The following FYTTD1 variants were observed in gnomAD, a reference collection of about 807,000 sequenced individuals.
FYTTD1 encodes the protein UAP56-interacting factor.
A neutral mutation model predicts 40.9 loss-of-function variants in FYTTD1; 22 were observed. The observed-to-expected ratio is 0.54, with a 90% CI of 0.38 to 0.77. The LOEUF (loss-of-function observed/expected upper bound fraction) is 0.77, where lower values mean the gene tolerates loss of function less well. FYTTD1 is among the 30% of genes least tolerant of loss of function. The pLI is 0.00. For synonymous variants in FYTTD1, 140 were observed against 137.9 expected, an observed-to-expected ratio of 1.01 and a Z score of -0.10; for missense variants, 351 against 392.2, an observed-to-expected ratio of 0.90 and a Z score of 0.89.
chr3:197,782,054 T>TTAA lies in FYTTD1; in HGVS notation c.*145_*146insTAA. 6 of 341,104 alleles carry TTAA rather than the reference T, an allele frequency of 1.8e-5. No individual in the cohort carries two copies. Among genetic ancestry groups the TTAA allele is most frequent in the South Asian group, 8.4e-5 (1 of 11,882 alleles). The allele number at this position is 341,104 out of a possible 1,614,324, so 21.1% of individuals were successfully genotyped here. A position where few individuals can be genotyped will look rare whatever the true frequency, so the allele number is the denominator to read the frequency against. On this transcript the variant is annotated 3_prime_UTR_variant, in exon 9 of 9. Coordinates refer to ENST00000241502, the MANE Select transcript of FYTTD1 (RefSeq NM_032288.7). ...TTTTATTTTTGAAGGTTTTTTTTTT[T>TTAA]AAAAAAAAAAACGTATAAAATAATG... is the stretch of plus-strand genomic sequence containing the variant.
At position 197,785,436 on chromosome 3, in the gene FYTTD1, G is replaced by A. The variant is rs1560503788; in HGVS notation, c.*3527G>A. On this transcript the variant is annotated 3_prime_UTR_variant, in exon 9 of 9. Transcript: ENST00000241502. Reference sequence around the variant, plus strand: ...AAGCCATGTTGTTGAAGGGCCAACTGTTTAAGCCAATCGTAAAATACTGTG... The same window carrying A: ...AAGCCATGTTGTTGAAGGGCCAACTATTTAAGCCAATCGTAAAATACTGTG... The A allele has an allele frequency of 6.6e-6, 1 of 152,182 alleles. No individual in the cohort carries two copies. The highest frequency in any genetic ancestry group is 1.5e-5 in the Non-Finnish European group (1 of 68,032). 9.4% of individuals were successfully genotyped at this position (152,182 alleles called of 1,614,324 possible). A position where few individuals can be genotyped will look rare whatever the true frequency, so the allele number is the denominator to read the frequency against.
chr3:197,765,429 A>G (rs181202558), intron 2 of FYTTD1, among the ~76,000 whole-genome samples: 91 of 152,304 alleles, frequency 6.0e-4, no homozygotes, highest in Middle Eastern at 6.8e-3. Flanking sequence ...TAGCTGTTAC[A>G]TTATTTAACA....
At chr3:197,777,393 A>C (rs1404190201) in intron 7 of FYTTD1, among the ~76,000 whole-genome samples, 1 of 151,988 alleles carries the variant, frequency 6.6e-6, no homozygotes. Flanking sequence ...AGTCCTGAGG[A>C]GCTGCAGCGA....
rs1374782090 is a variant in FYTTD1, at chr3:197,785,920, C to A, written c.*4011C>A. ...TAGAGAGGGTTCTTTTTGGATAGAT[C>A]AATTTGGAACTAGCTTCTTTTTTTT... is the stretch of plus-strand genomic sequence containing the variant. On this transcript the variant is annotated 3_prime_UTR_variant, in exon 9 of 9. Transcript: ENST00000241502. 7 of 148,744 alleles carry A rather than the reference C, an allele frequency of 4.7e-5. No individual in the cohort carries two copies. The highest frequency in any genetic ancestry group is 1.3e-4 in the Admixed American group (2 of 14,904). The allele number at this position is 148,744 out of a possible 1,614,324, so 9.2% of individuals were successfully genotyped here.
intron 4 of FYTTD1, among the ~76,000 whole-genome samples, chr3:197,771,775 T>A (rs1380310264): frequency 1.5e-4 from 2 of 13,594 alleles, no homozygotes; most frequent in African/African-American, 1.9e-4. Flanking sequence ...AGACTCCGTC[T>A]CAAAAAAAAA....
intron 3 of FYTTD1, among the ~76,000 whole-genome samples, chr3:197,769,478 A>AGGTGC (rs1358950752): frequency 1.3e-5 from 2 of 152,236 alleles, no homozygotes; most frequent in Admixed American, 1.3e-4. Context: ...GTATAAGATA[A>AGGTGC]GGTGCATATT....
chr3:197,782,209 G>T lies in FYTTD1; in HGVS notation c.*300G>T, dbSNP rs566672101. 98 of 205,302 alleles carry T rather than the reference G, an allele frequency of 4.8e-4. No individual in the cohort carries two copies. Among genetic ancestry groups the T allele is most frequent in the Non-Finnish European group, 7.2e-4 (75 of 103,476 alleles). The allele number at this position is 205,302 out of a possible 1,614,324, so 12.7% of individuals were successfully genotyped here. On this transcript the variant is annotated 3_prime_UTR_variant, in exon 9 of 9. Coordinates refer to ENST00000241502, the MANE Select transcript of FYTTD1 (RefSeq NM_032288.7). ...GAAGGAAGACAGAAAGATAGAAATT[G>T]ATTATTTTTATGATAGCAGTATTCA...
intron 8 of FYTTD1, among the ~76,000 whole-genome samples, chr3:197,779,529 CTTTTT>C (rs57263354): frequency 8.4e-6 from 1 of 118,408 alleles, no homozygotes. Context: ...TTCCTTAGGA[CTTTTT>C]TTTTTTTTTT....
chr3:197,762,766 C>T (rs1729426731), intron 2 of FYTTD1, among the ~76,000 whole-genome samples: 1 of 151,992 alleles, frequency 6.6e-6, no homozygotes, highest in Admixed American at 6.6e-5. Flanking sequence ...CCTGTAGTCC[C>T]AGCTGCTCAG....
At chr3:197,759,864 G>T (rs547944187) in intron 2 of FYTTD1, among the ~76,000 whole-genome samples, 1 of 151,192 alleles carries the variant, frequency 6.6e-6, no homozygotes, top group South Asian at 2.1e-4. Context: ...GTGGTAGAAC[G>T]AATAGGGTGT....
In FYTTD1 at chr3:197,784,087, T is replaced by G. The variant is rs2109058918; in HGVS notation, c.*2178T>G. ...GTAATCCTTGTTCAGTTCTTAAGTTTCGGTTTTTTTTAAAAACAGGATGCA... is the reference window on the plus strand; with the variant it reads ...GTAATCCTTGTTCAGTTCTTAAGTTGCGGTTTTTTTTAAAAACAGGATGCA... On this transcript the variant is annotated 3_prime_UTR_variant, in exon 9 of 9. Transcript: ENST00000241502. 6.5e-6 allele frequency: 1 copy of G among 152,710 alleles called. No homozygotes were observed. The highest frequency in any genetic ancestry group is 2.1e-4 in the South Asian group (1 of 4,810). 9.5% of individuals were successfully genotyped at this position (152,710 alleles called of 1,614,324 possible).
At chr3:197,750,899 G>A in intron 1 of FYTTD1, 5 of 967,132 alleles carry the variant, frequency 5.2e-6, no homozygotes, top group Non-Finnish European at 4.9e-6. Flanking sequence ...CGGGAGGTTG[G>A]TGATTCCATT....
chr3:197,751,020 G>C (rs753829305), intron 1 of FYTTD1, among the ~76,000 whole-genome samples: 20 of 152,226 alleles, frequency 1.3e-4, no homozygotes, highest in South Asian at 6.2e-4. Flanking sequence ...GTGTAAGTCA[G>C]CTCTGCCAGG....
In FYTTD1 at chr3:197,782,121, G is replaced by C; in HGVS notation, c.*212G>C. 1 of 342,476 alleles carries C rather than the reference G, an allele frequency of 2.9e-6. No homozygotes were observed. The highest frequency in any genetic ancestry group is 5.3e-6 in the Non-Finnish European group (1 of 189,074). 21.2% of individuals were successfully genotyped at this position (342,476 alleles called of 1,614,324 possible). Reference sequence around the variant, plus strand: ...GGGATTATACCTGTCTGTTCTTAAAGATTTCATGGTTGGCTCAGACAGAAC... The same window carrying C: ...GGGATTATACCTGTCTGTTCTTAAACATTTCATGGTTGGCTCAGACAGAAC... On this transcript the variant is annotated 3_prime_UTR_variant, in exon 9 of 9. Coordinates refer to ENST00000241502, the MANE Select transcript of FYTTD1 (RefSeq NM_032288.7).
chr3:197,768,411 A>G, intron 2 of FYTTD1, 28 bp from the exon 3 acceptor site: 1 of 1,521,706 alleles, frequency 6.6e-7, no homozygotes, highest in Middle Eastern at 1.7e-4. Flanking sequence ...TTAAATTGAC[A>G]TTTTCTTCTG....
In FYTTD1 at chr3:197,786,090, TTTTTTC is replaced by T. The variant is rs982657001; in HGVS notation, c.*4193_*4198del. ...TCCCTTCTCACCACAGTTTATTTTC[TTTTTTC>T]TTTTTCTTTTTTTTTTTTTCTTTTT... On this transcript the variant is annotated 3_prime_UTR_variant, in exon 9 of 9. Coordinates refer to ENST00000241502, the MANE Select transcript of FYTTD1 (RefSeq NM_032288.7). 1.3e-5 allele frequency: 2 copies of T among 151,556 alleles called. No individual in the cohort carries two copies. The highest frequency in any genetic ancestry group is 2.4e-5 in the African/African-American group (1 of 41,342). 9.4% of individuals were successfully genotyped at this position (151,556 alleles called of 1,614,324 possible). A position where few individuals can be genotyped will look rare whatever the true frequency, so the allele number is the denominator to read the frequency against.
At chr3:197,755,040 C>G (rs946432368) in intron 1 of FYTTD1, among the ~76,000 whole-genome samples, 1 of 152,106 alleles carries the variant, frequency 6.6e-6, no homozygotes, top group Non-Finnish European at 1.5e-5. Flanking sequence ...ATTTAGTTTT[C>G]TGGTCTTCAC....
At chr3:197,778,134 A>ATT (rs1314954977) in intron 7 of FYTTD1, among the ~76,000 whole-genome samples, 1 of 152,244 alleles carries the variant, frequency 6.6e-6, no homozygotes, top group African/African-American at 2.4e-5. Flanking sequence ...ACTTGTTGAA[A>ATT]AGTTTGTAGT....
At chr3:197,754,926 A>G (rs776669172) in intron 1 of FYTTD1, among the ~76,000 whole-genome samples, 6 of 152,142 alleles carry the variant, frequency 3.9e-5, no homozygotes, top group Non-Finnish European at 8.8e-5. Context: ...TCACCTCTAA[A>G]AGTGCTGAGG....
Sources: allele counts gnomAD v4.1 joint callset (sites outside exome capture counted in the v4.1 genomes callset), GRCh38; gene constraint gnomAD v4.1.1; transcripts MANE v1.5; gene names NCBI Gene and HGNC (gene_info 2026-07-23, HGNC 2026-07-21).